WDPCP: variants seen among roughly 807,000 people sequenced by gnomAD.
WDPCP encodes WD repeat containing planar cell polarity effector, also known as WD repeat-containing and planar cell polarity effector protein fritz homolog.
In WDPCP, 71 loss-of-function variants were observed where a neutral mutation model predicts 93.1. The ratio of observed to expected loss-of-function variants is 0.76; its 90% CI spans 0.63 to 0.93. The LOEUF is 0.93. Among genes scored for constraint, WDPCP ranks in the 40% least tolerant of loss-of-function variants. The pLI is 0.00. For missense variants in WDPCP, 844 were observed against 887.4 expected, an observed-to-expected ratio of 0.95 and a Z score of 0.62; for synonymous variants, 315 against 315.0, an observed-to-expected ratio of 1.00 and a Z score of 0.00.
intron 14 of WDPCP, among the ~76,000 whole-genome samples, chr2:63,212,797 A>AC (rs1282853019): frequency 5.3e-5 from 8 of 151,626 alleles, no homozygotes; most frequent in South Asian, 2.1e-4. Context: ...TGGAAAACAA[A>AC]AAAAAAAAAA....
At position 63,732,331 on chromosome 2, in the gene WDPCP, A is replaced by G. The variant is rs375017727; in HGVS notation, n.308+81291T>C. On this transcript the variant is annotated intron_variant and non_coding_transcript_variant, in intron 2 of 4. Coordinates refer to the WDPCP transcript ENST00000467687. ...AGGCTTATGCCCCAAGATGGAAGAA[A>G]ATGCAACTGCTGGAGACTAAGCTTC... Among the ~76,000 whole-genome samples the G allele has an allele frequency of 6.6e-5, 10 of 152,342 alleles. No individual in the cohort carries two copies. In the East Asian group the frequency reaches 1.9e-3, roughly 29 times the overall value.
chr2:63,126,720 G>A lies in WDPCP; in HGVS notation c.2191-4664C>T, dbSNP rs1669935337. Among the ~76,000 whole-genome samples, 3 of 142,798 alleles carry A rather than the reference G, an allele frequency of 2.1e-5. No individual in the cohort carries two copies. The South Asian group carries it at 6.6e-4, about 31-fold the overall frequency. 93.7% of individuals were successfully genotyped at this position (142,798 alleles called of 152,430 possible). ...AGGGTTGTGCTCTGTTGCCCAGGCTGGAGAACAGTGGCACAATTATAGCTC... is the reference window on the plus strand; with the variant it reads ...AGGGTTGTGCTCTGTTGCCCAGGCTAGAGAACAGTGGCACAATTATAGCTC... On this transcript the variant is annotated intron_variant, in intron 17 of 17. Coordinates refer to ENST00000272321, the MANE Select transcript of WDPCP (RefSeq NM_015910.7).
chr2:63,797,735 G>C (rs1476678391), intron 2 of WDPCP, among the ~76,000 whole-genome samples: 1 of 152,076 alleles, frequency 6.6e-6, no homozygotes, highest in Non-Finnish European at 1.5e-5. Context: ...TGAAGAAATA[G>C]AGAGAGAGGT....
chr2:63,378,603 C>T lies in WDPCP; in HGVS notation c.1625-94G>A, dbSNP rs921910145. 5 of 1,546,492 alleles carry T rather than the reference C, an allele frequency of 3.2e-6. No individual in the cohort carries two copies. The African/African-American group carries it at 6.8e-5, about 21-fold the overall frequency. On this transcript the variant is annotated intron_variant, in intron 11 of 17. Coordinates refer to ENST00000272321, the MANE Select transcript of WDPCP (RefSeq NM_015910.7). ...TTTGCAGTCAGTCAGGTTTTGCAGA[C>T]TTGGATGAAACATGAACTTGTTGCA...
intron 12 of WDPCP, among the ~76,000 whole-genome samples, chr2:63,351,480 A>C (rs1188441498): frequency 6.6e-6 from 1 of 151,876 alleles, no homozygotes; most frequent in Non-Finnish European, 1.5e-5. Context: ...ATTAATGTCC[A>C]TGTATGCTCA....
rs562875621 is a variant in WDPCP at position 63,536,487 on chromosome 2, C to T, written c.76-43547G>A. On this transcript the variant is annotated intron_variant, in intron 1 of 17. Coordinates refer to ENST00000272321, the MANE Select transcript of WDPCP (RefSeq NM_015910.7). Reference sequence around the variant, plus strand: ...AATGTCCATCAATGATAGACTGGATCAAGAAAATGTGGCACATATACACCA... The same window carrying T: ...AATGTCCATCAATGATAGACTGGATTAAGAAAATGTGGCACATATACACCA... Among the ~76,000 whole-genome samples, 184 of 148,610 alleles carry T rather than the reference C, an allele frequency of 1.2e-3. 2 individuals are homozygous for T. Among genetic ancestry groups the T allele is most frequent in the Admixed American group, 2.4e-3 (35 of 14,828 alleles).
At chr2:63,179,664 A>G (rs1175438279) in intron 14 of WDPCP, among the ~76,000 whole-genome samples, 2 of 152,012 alleles carry the variant, frequency 1.3e-5, no homozygotes, top group African/African-American at 4.8e-5. Context: ...GTATTCCTTT[A>G]TAGCAATCCA....
chr2:63,807,624 C>G (rs973407186), intron 2 of WDPCP, among the ~76,000 whole-genome samples: 3 of 152,146 alleles, frequency 2.0e-5, no homozygotes, highest in Admixed American at 6.5e-5. Flanking sequence ...AAATATAAAA[C>G]ACTTTTACTA....
chr2:63,178,346 C>T (rs1673975285), intron 14 of WDPCP, among the ~76,000 whole-genome samples: 1 of 152,060 alleles, frequency 6.6e-6, no homozygotes. Flanking sequence ...TTGGGCTTTT[C>T]TTTGTGTGGA....
chr2:63,329,000 C>A (rs548422046), intron 12 of WDPCP, among the ~76,000 whole-genome samples: 1 of 152,242 alleles, frequency 6.6e-6, no homozygotes, highest in South Asian at 2.1e-4. Flanking sequence ...GTGCTACAGG[C>A]GTGAGCCACC....
At chr2:63,471,610 A>G (rs1285102487) in intron 6 of WDPCP, among the ~76,000 whole-genome samples, 3 of 152,156 alleles carry the variant, frequency 2.0e-5, no homozygotes, top group African/African-American at 7.2e-5. Context: ...CAGATTTACC[A>G]TATCTCTTAT....
intron 6 of WDPCP, among the ~76,000 whole-genome samples, chr2:63,451,056 C>G (rs182769533): frequency 6.6e-6 from 1 of 151,630 alleles, no homozygotes; most frequent in Non-Finnish European, 1.5e-5. Flanking sequence ...ACTAAAGAAG[C>G]TCAGTAAGAT....
At chr2:63,393,812 C>T (rs1693486100) in intron 10 of WDPCP, among the ~76,000 whole-genome samples, 1 of 151,964 alleles carries the variant, frequency 6.6e-6, no homozygotes, top group East Asian at 1.9e-4. Context: ...TCAACAAAAA[C>T]AAGCAGGGAA....
intron 6 of WDPCP, chr2:63,478,032 G>A (rs1223781601): frequency 6.6e-6 from 1 of 152,090 alleles, no homozygotes; most frequent in African/African-American, 2.4e-5. Flanking sequence ...GAAGTTTGCT[G>A]GACAGAACTC....
At chr2:63,338,565 AAAAAATATATATATATATATATAT>A (rs1329187819) in intron 12 of WDPCP, among the ~76,000 whole-genome samples, 8,438 of 40,470 alleles carry the variant, frequency 0.21, 1,044 homozygotes, top group East Asian at 0.54. Flanking sequence ...AAAAAAAAAA[AAAAAATATATATATATATATATAT>A]ATATATATAT....
intron 13 of WDPCP, among the ~76,000 whole-genome samples, chr2:63,304,788 C>G (rs571044169): frequency 5.9e-5 from 9 of 152,242 alleles, no homozygotes; most frequent in African/African-American, 2.2e-4. Flanking sequence ...AGGCAGGGAG[C>G]CAGGTGGTCT....
At chr2:63,237,294 A>C (rs1679483618) in intron 14 of WDPCP, among the ~76,000 whole-genome samples, 1 of 152,128 alleles carries the variant, frequency 6.6e-6, no homozygotes, top group South Asian at 2.1e-4. Context: ...ATCTCACACC[A>C]ACCAGAATGG....
chr2:63,274,890 T>A (rs1015100394), intron 13 of WDPCP, among the ~76,000 whole-genome samples: 6 of 152,108 alleles, frequency 3.9e-5, no homozygotes, highest in Admixed American at 2.6e-4. Flanking sequence ...GAATACCAAT[T>A]CCTCTCAAAC....
intron 2 of WDPCP, among the ~76,000 whole-genome samples, chr2:63,721,010 A>G (rs1379556975): frequency 6.6e-6 from 1 of 152,262 alleles, no homozygotes; most frequent in East Asian, 1.9e-4. Flanking sequence ...ATCTCATCTG[A>G]CATTTCAAGT....
Sources: gnomAD v4.1 joint callset for allele counts (sites outside exome capture counted in the v4.1 genomes callset) on GRCh38, gnomAD v4.1.1 for gene constraint, MANE v1.5 for transcripts, NCBI Gene and HGNC (gene_info 2026-07-23, HGNC 2026-07-21) for gene names.